The following ZC2HC1B variants were observed in gnomAD, a reference collection of about 807,000 sequenced individuals.
ZC2HC1B encodes the protein zinc finger C2HC-type containing 1B.
A neutral mutation model predicts 31.0 loss-of-function variants in ZC2HC1B; 36 were observed. The observed-to-expected ratio is 1.16, with a 90% CI of 0.89 to 1.54. The LOEUF (loss-of-function observed/expected upper bound fraction) is 1.54. Ranked by LOEUF, ZC2HC1B falls within the 40% of genes most tolerant of loss-of-function variation. The pLI is 0.00. For synonymous variants in ZC2HC1B, 73 were observed against 88.0 expected, an observed-to-expected ratio of 0.83 and a Z score of 0.95; for missense variants, 260 against 268.6, an observed-to-expected ratio of 0.97 and a Z score of 0.22.
At position 143,918,703 on chromosome 6, in the gene ZC2HC1B, G is replaced by A. The variant is rs1285741586; in HGVS notation, c.598+15551G>A. On this transcript the variant is annotated intron_variant, in intron 6 of 7. Coordinates refer to ENST00000237275, the MANE Select transcript of ZC2HC1B (RefSeq NM_001013623.3). The surrounding 1 kb of genome is among the most constrained non-coding windows in gnomAD (Gnocchi z 4.1). ...AATGCATATGTTGGTCAGTTTGACA[G>A]TGTCCCACAGGTCCCTAAGGCTCTG... 6.6e-6 allele frequency among the ~76,000 whole-genome samples: 1 copy of A among 152,146 alleles called. No individual in the cohort carries two copies. Among genetic ancestry groups the A allele is most frequent in the Non-Finnish European group, 1.5e-5 (1 of 68,030 alleles).
intron 6 of ZC2HC1B, among the ~76,000 whole-genome samples, chr6:143,927,478 A>G (rs932160792): frequency 6.6e-6 from 1 of 152,148 alleles, no homozygotes. Context: ...AAAAGACATT[A>G]TATTATTTTT....
At position 143,908,634 on chromosome 6, in the gene ZC2HC1B, G is replaced by T. The variant is rs1369550420; in HGVS notation, c.598+5482G>T. ...TTTTTGCACATTGATTTTGTATTTTGAGACTTTGCTGAAGTTGCTTACCAA... is the reference window on the plus strand; with the variant it reads ...TTTTTGCACATTGATTTTGTATTTTTAGACTTTGCTGAAGTTGCTTACCAA... On this transcript the variant is annotated intron_variant, in intron 6 of 7. Coordinates refer to ENST00000237275, the MANE Select transcript of ZC2HC1B (RefSeq NM_001013623.3). The surrounding 1 kb of genome is among the most constrained non-coding windows in gnomAD (Gnocchi z 4.4). Among the ~76,000 whole-genome samples, 1 of 152,158 alleles carries T rather than the reference G, an allele frequency of 6.6e-6. No homozygotes were observed. The highest frequency in any genetic ancestry group is 1.5e-5 in the Non-Finnish European group (1 of 68,014).
At position 143,933,891 on chromosome 6, in the gene ZC2HC1B, A is replaced by C. The variant is rs1242239247; in HGVS notation, c.599-3758A>C. 6.6e-6 allele frequency among the ~76,000 whole-genome samples: 1 copy of C among 152,162 alleles called. No homozygotes were observed. The highest frequency in any genetic ancestry group is 2.4e-5 in the African/African-American group (1 of 41,426). ...TCTCAAGAGGGTTTGCACCCAGTCA[A>C]AATTATTACAAAGTTCAGTTGGAAG... On this transcript the variant is annotated intron_variant, in intron 6 of 7. Transcript: ENST00000237275. The surrounding 1 kb of genome is among the most constrained non-coding windows in gnomAD (Gnocchi z 6.4).
intron 6 of ZC2HC1B, among the ~76,000 whole-genome samples, chr6:143,927,995 G>C (rs189629715): frequency 1.2e-4 from 19 of 152,156 alleles, no homozygotes; most frequent in Non-Finnish European, 2.4e-4. Context: ...TTGTTGACTT[G>C]TTTGAATTCC....
intron 6 of ZC2HC1B, among the ~76,000 whole-genome samples, chr6:143,935,582 T>G (rs1337445509): frequency 6.6e-6 from 1 of 151,930 alleles, no homozygotes; most frequent in Non-Finnish European, 1.5e-5. Flanking sequence ...GTTGTTGGGT[T>G]TTTTGTTATT....
At chr6:143,909,800 T>G (rs941127074) in intron 6 of ZC2HC1B, among the ~76,000 whole-genome samples, 1 of 152,144 alleles carries the variant, frequency 6.6e-6, no homozygotes, top group African/African-American at 2.4e-5. Flanking sequence ...TCTTCTCTCT[T>G]TTCTTCTTTA....
At chr6:143,902,209 A>G (rs1777745599) in intron 5 of ZC2HC1B, among the ~76,000 whole-genome samples, 1 of 152,210 alleles carries the variant, frequency 6.6e-6, no homozygotes, top group Non-Finnish European at 1.5e-5. Flanking sequence ...GCCTTGTCTA[A>G]TAGTGAAGCT....
intron 1 of ZC2HC1B, among the ~76,000 whole-genome samples, chr6:143,875,143 A>G (rs1777390118): frequency 2.0e-5 from 3 of 152,210 alleles, no homozygotes; most frequent in Admixed American, 2.0e-4. Context: ...GCCTATTCCC[A>G]TTGTTTTTAA....
In ZC2HC1B at chr6:143,934,955, G is replaced by T. The variant is rs1044886548; in HGVS notation, c.599-2694G>T. Among the ~76,000 whole-genome samples the T allele has an allele frequency of 1.3e-5, 2 of 152,184 alleles. No individual in the cohort carries two copies. Among genetic ancestry groups the T allele is most frequent in the Non-Finnish European group, 1.5e-5 (1 of 68,032 alleles). ...GGCTTGCTCAGGTGCCAGCAGTGGC[G>T]ATGGTGGGTGGCTCTTCAGGTTCCT... is the stretch of plus-strand genomic sequence containing the variant. On this transcript the variant is annotated intron_variant, in intron 6 of 7. Coordinates refer to ENST00000237275, the MANE Select transcript of ZC2HC1B (RefSeq NM_001013623.3). The surrounding 1 kb of genome is among the most constrained non-coding windows in gnomAD (Gnocchi z 4.6).
intron 6 of ZC2HC1B, among the ~76,000 whole-genome samples, chr6:143,906,276 T>A (rs1184369494): frequency 6.6e-6 from 1 of 152,188 alleles, no homozygotes; most frequent in Admixed American, 6.5e-5. Flanking sequence ...TTGTGTTTTT[T>A]AGGAATTCAT....
At chr6:143,925,992 A>G (rs1161522971) in intron 6 of ZC2HC1B, among the ~76,000 whole-genome samples, 4 of 152,020 alleles carry the variant, frequency 2.6e-5, no homozygotes, top group African/African-American at 4.8e-5. Flanking sequence ...TGATTTTGCT[A>G]ATTCACATCC....
At chr6:143,909,104 C>T (rs1160569551) in intron 6 of ZC2HC1B, among the ~76,000 whole-genome samples, 1 of 152,160 alleles carries the variant, frequency 6.6e-6, no homozygotes, top group Non-Finnish European at 1.5e-5. Flanking sequence ...AACCTTGCAT[C>T]TCAGGGATGA....
chr6:143,867,158 C>T (rs1777274459), intron 1 of ZC2HC1B, among the ~76,000 whole-genome samples: 1 of 152,096 alleles, frequency 6.6e-6, no homozygotes, highest in Non-Finnish European at 1.5e-5. Context: ...ATATCTTGTT[C>T]CAAAGTCTGA....
intron 1 of ZC2HC1B, 75 bp downstream of exon 1, chr6:143,864,642 C>A: frequency 1.4e-6 from 2 of 1,474,840 alleles, no homozygotes; most frequent in Non-Finnish European, 9.3e-7. Context: ...TTTTCCAAAG[C>A]TGGTAGGTAT....
At position 143,917,965 on chromosome 6, in the gene ZC2HC1B, A is replaced by T. The variant is rs1346098060; in HGVS notation, c.598+14813A>T. 6.6e-6 allele frequency among the ~76,000 whole-genome samples: 1 copy of T among 152,240 alleles called. No individual in the cohort carries two copies. Among genetic ancestry groups the T allele is most frequent in the African/African-American group, 2.4e-5 (1 of 41,464 alleles). On this transcript the variant is annotated intron_variant, in intron 6 of 7. Coordinates refer to ENST00000237275, the MANE Select transcript of ZC2HC1B (RefSeq NM_001013623.3). This position sits in a 1 kb window ranked among gnomAD's most constrained non-coding sequence, Gnocchi z 4.1. ...AAACAAAAAAGTGGAGTTGCAAACC[A>T]TTATTACAATAGTACTAGCTTTTAT...
intron 4 of ZC2HC1B, among the ~76,000 whole-genome samples, chr6:143,892,301 T>TC (rs898976193): frequency 2.0e-5 from 3 of 150,246 alleles, no homozygotes; most frequent in African/African-American, 7.3e-5. Context: ...CAGGCTCTTT[T>TC]TTTTTTTTTT....
intron 5 of ZC2HC1B, among the ~76,000 whole-genome samples, chr6:143,902,162 G>C (rs955906565): frequency 6.6e-6 from 1 of 152,144 alleles, no homozygotes; most frequent in Admixed American, 6.5e-5. Context: ...CTGAACAGCC[G>C]TATTTGTTTC....
chr6:143,902,418 A>C (rs994356573), intron 5 of ZC2HC1B, among the ~76,000 whole-genome samples: 3 of 152,212 alleles, frequency 2.0e-5, no homozygotes, highest in Admixed American at 6.5e-5. Flanking sequence ...TCTCTCAGCC[A>C]TTCTTGCCCA....
chr6:143,899,586 A>C lies in ZC2HC1B; in HGVS notation c.489+895A>C, dbSNP rs966765084. Among the ~76,000 whole-genome samples, 7 of 152,198 alleles carry C rather than the reference A, an allele frequency of 4.6e-5. No individual in the cohort carries two copies. Among genetic ancestry groups the C allele is most frequent in the African/African-American group, 1.7e-4 (7 of 41,446 alleles). On this transcript the variant is annotated intron_variant, in intron 5 of 7. Coordinates refer to ENST00000237275, the MANE Select transcript of ZC2HC1B (RefSeq NM_001013623.3). This position sits in a 1 kb window ranked among gnomAD's most constrained non-coding sequence, Gnocchi z 5.0. ...GAGATGGGGTCTCACTGTGTTGCTC[A>C]GGCTGGTCTCAAACTCCTGGGCCCA...
Sources: allele counts gnomAD v4.1 joint callset (sites outside exome capture counted in the v4.1 genomes callset), GRCh38; gene constraint gnomAD v4.1.1; non-coding constraint Gnocchi (gnomAD v3.1); transcripts MANE v1.5; gene names NCBI Gene and HGNC (gene_info 2026-07-23, HGNC 2026-07-21).